Variants in SAMD12 observed in about 807,000 individuals in gnomAD.
SAMD12 encodes the protein sterile alpha motif domain-containing protein 12.
SAMD12 carries 9 observed loss-of-function variants against 15.0 expected under a neutral mutation model. The ratio of observed to expected loss-of-function variants is 0.60; its 90% confidence interval spans 0.36 to 1.05. The LOEUF (loss-of-function observed/expected upper bound fraction) is 1.05. Ranked by LOEUF, SAMD12 falls within the 50% of genes least tolerant of loss-of-function variation. The pLI is 0.01. For missense variants in SAMD12, 230 were observed against 234.2 expected (o/e 0.98, Z 0.12); for synonymous variants, 86 against 90.1 (o/e 0.96, Z 0.25).
At chr8:118,406,010 A>AGCAAGGTTCAATGACAACAG (rs1384678859) in intron 3 of SAMD12, among the ~76,000 whole-genome samples, 1 of 152,188 alleles carries the variant, frequency 6.6e-6, no homozygotes, top group Non-Finnish European at 1.5e-5. Flanking sequence ...AGAAGAATAC[A>AGCAAGGTTCAATGACAACAG]GCAAGGTTCA....
the SAMD12 span, among the ~76,000 whole-genome samples, chr8:118,181,531 G>C: frequency 2.6e-5 from 4 of 152,152 alleles, no homozygotes; most frequent in African/African-American, 9.7e-5. Context: ...ACCCCAAAAT[G>C]GGCAATCAGG....
At chr8:118,271,876 C>T (rs1813362193) in intron 4 of SAMD12, among the ~76,000 whole-genome samples, 1 of 152,178 alleles carries the variant, frequency 6.6e-6, no homozygotes, top group South Asian at 2.1e-4. Flanking sequence ...TTGTAGAGTA[C>T]AGCCCCCCAC....
At chr8:118,570,190 A>G (rs1826969277) in intron 2 of SAMD12, among the ~76,000 whole-genome samples, 1 of 152,152 alleles carries the variant, frequency 6.6e-6, no homozygotes, top group Non-Finnish European at 1.5e-5. Flanking sequence ...CAGAAGTCAT[A>G]GGGCCTTATT....
At chr8:118,453,182 G>A (rs552435581) in intron 2 of SAMD12, among the ~76,000 whole-genome samples, 1 of 152,040 alleles carries the variant, frequency 6.6e-6, no homozygotes, top group Non-Finnish European at 1.5e-5. Flanking sequence ...ATATTGTCAA[G>A]GTTAACAGCA....
chr8:118,349,131 T>C (rs776621920), intron 4 of SAMD12, among the ~76,000 whole-genome samples: 4 of 152,140 alleles, frequency 2.6e-5, no homozygotes, highest in Non-Finnish European at 4.4e-5. Flanking sequence ...ATCTTCATGG[T>C]AGAAAAAAGA....
At chr8:118,503,826 A>G (rs1193219215) in intron 2 of SAMD12, among the ~76,000 whole-genome samples, 1 of 152,182 alleles carries the variant, frequency 6.6e-6, no homozygotes, top group Non-Finnish European at 1.5e-5. Flanking sequence ...TAAAAGAAAA[A>G]TTAATCCCAT....
intron 4 of SAMD12, among the ~76,000 whole-genome samples, chr8:118,223,921 C>T (rs918018865): frequency 6.6e-6 from 1 of 152,138 alleles, no homozygotes; most frequent in East Asian, 1.9e-4. Flanking sequence ...CAGTGAAACA[C>T]AGAGTGGCAT....
At chr8:118,346,362 G>A (rs1250565095) in intron 4 of SAMD12, among the ~76,000 whole-genome samples, 1 of 152,136 alleles carries the variant, frequency 6.6e-6, no homozygotes, top group South Asian at 2.1e-4. Context: ...CCAGAAAGGT[G>A]GTAGAAATGT....
At chr8:118,305,914 A>AT (rs369269216) in intron 4 of SAMD12, among the ~76,000 whole-genome samples, 97 of 152,198 alleles carry the variant, frequency 6.4e-4, no homozygotes, top group African/African-American at 2.2e-3. Flanking sequence ...CCCTCTCTAT[A>AT]TATCACTTTG....
intron 2 of SAMD12, among the ~76,000 whole-genome samples, chr8:118,445,375 A>G (rs1586723247): frequency 2.0e-5 from 3 of 152,310 alleles, no homozygotes. Flanking sequence ...TTTTAAAAAC[A>G]TATCTTGTCT....
At chr8:118,234,149 A>T (rs1812377987) in intron 4 of SAMD12, among the ~76,000 whole-genome samples, 1 of 152,184 alleles carries the variant, frequency 6.6e-6, no homozygotes, top group Admixed American at 6.6e-5. Flanking sequence ...TTTCCTTTAG[A>T]TAAGACTGGT....
intron 4 of SAMD12, among the ~76,000 whole-genome samples, chr8:118,210,176 G>C (rs1819980574): frequency 6.6e-6 from 1 of 152,214 alleles, no homozygotes; most frequent in African/African-American, 2.4e-5. Context: ...GCTAACATTT[G>C]TGAAACCCTC....
intron 1 of SAMD12, among the ~76,000 whole-genome samples, chr8:118,614,058 T>C (rs1276945277): frequency 6.6e-6 from 1 of 152,232 alleles, no homozygotes; most frequent in Non-Finnish European, 1.5e-5. Flanking sequence ...TTCTTCCAAC[T>C]CTGATAACCT....
At chr8:118,580,081 A>C (rs1827249598) in intron 2 of SAMD12, among the ~76,000 whole-genome samples, 1 of 152,216 alleles carries the variant, frequency 6.6e-6, no homozygotes, top group African/African-American at 2.4e-5. Flanking sequence ...CTACAGCAGA[A>C]TAAAATAATT....
At chr8:118,255,819 A>G (rs1168353677) in intron 4 of SAMD12, among the ~76,000 whole-genome samples, 4 of 152,122 alleles carry the variant, frequency 2.6e-5, no homozygotes, top group African/African-American at 7.2e-5. Context: ...AAACATAAGT[A>G]TGCATGTGTC....
intron 4 of SAMD12, among the ~76,000 whole-genome samples, chr8:118,207,925 C>T (rs1372522899): frequency 7.4e-5 from 3 of 40,800 alleles, no homozygotes; most frequent in Admixed American, 2.9e-4. Context: ...TACGTAAATA[C>T]TCCTTTTTTT....
chr8:118,436,072 G>T (rs763782973), intron 3 of SAMD12, among the ~76,000 whole-genome samples: 5 of 152,162 alleles, frequency 3.3e-5, no homozygotes, highest in Admixed American at 1.3e-4. Flanking sequence ...TTGCTCCCTA[G>T]AATCAAAGAA....
At chr8:118,480,090 A>G (rs1186125378) in intron 2 of SAMD12, among the ~76,000 whole-genome samples, 1 of 152,212 alleles carries the variant, frequency 6.6e-6, no homozygotes, top group African/African-American at 2.4e-5. Flanking sequence ...AGGTAATTTA[A>G]TGATTTTCTG....
the SAMD12 span, among the ~76,000 whole-genome samples, chr8:118,178,687 A>G: frequency 1.3e-5 from 2 of 152,162 alleles, no homozygotes; most frequent in Non-Finnish European, 2.9e-5. Flanking sequence ...GCTGGTCTTG[A>G]ACTCTTGACC....
Sources: gnomAD v4.1 joint callset for allele counts (sites outside exome capture counted in the v4.1 genomes callset) on GRCh38, gnomAD v4.1.1 for gene constraint, MANE v1.5 for transcripts, NCBI Gene and HGNC (gene_info 2026-07-23, HGNC 2026-07-21) for gene names.